The following FMNL2 variants were observed in gnomAD, a reference collection of about 807,000 sequenced individuals.
FMNL2 encodes formin like 2.
In FMNL2, 51 loss-of-function variants were observed where a neutral mutation model predicts 130.2. The ratio of observed to expected loss-of-function variants is 0.39; its 90% CI spans 0.31 to 0.49. The LOEUF (loss-of-function observed/expected upper bound fraction) is 0.49, where lower values mean the gene tolerates loss of function less well. Among genes scored for constraint, FMNL2 ranks in the 20% least tolerant of loss-of-function variants. FMNL2 has a pLI of 0.85. For missense variants in FMNL2, 977 were observed against 1,316.2 expected, an observed-to-expected ratio of 0.74 and a Z score of 3.99; for synonymous variants, 465 against 467.1, an observed-to-expected ratio of 1.00 and a Z score of 0.06.
rs909190620 is a variant in FMNL2 at position 152,540,066 on chromosome 2, G to A, written c.202-2673G>A. Among the ~76,000 whole-genome samples the A allele has an allele frequency of 4.6e-5, 7 of 152,082 alleles. No homozygotes were observed. The South Asian group carries it at 6.2e-4, about 14-fold the overall frequency. On this transcript the variant is annotated intron_variant, in intron 2 of 25. Transcript: ENST00000288670. ...GATTGTGCCACTGCATTCCAGCCTGGGTGACAGAGTGAGACTCTCTCAAAA... is the reference window on the plus strand; with the variant it reads ...GATTGTGCCACTGCATTCCAGCCTGAGTGACAGAGTGAGACTCTCTCAAAA...
intron 1 of FMNL2, among the ~76,000 whole-genome samples, chr2:152,497,981 T>C (rs1281876461): frequency 1.3e-5 from 2 of 152,230 alleles, no homozygotes; most frequent in Non-Finnish European, 2.9e-5. Flanking sequence ...CCCTGGTTTG[T>C]CTCTTAGTAG....
intron 6 of FMNL2, among the ~76,000 whole-genome samples, chr2:152,564,297 A>G (rs1477436827): frequency 6.6e-6 from 1 of 152,202 alleles, no homozygotes; most frequent in Non-Finnish European, 1.5e-5. Context: ...TCTCCCGATA[A>G]TAAGACAGAC....
At chr2:152,489,198 T>A (rs528494001) in intron 1 of FMNL2, among the ~76,000 whole-genome samples, 1 of 150,858 alleles carries the variant, frequency 6.6e-6, no homozygotes, top group East Asian at 1.9e-4. Context: ...GGGGAAGAAT[T>A]GAGGTTAGCA....
At chr2:152,536,510 T>G (rs752095043) in intron 2 of FMNL2, among the ~76,000 whole-genome samples, 34 of 152,252 alleles carry the variant, frequency 2.2e-4, no homozygotes, top group Non-Finnish European at 2.9e-5. Context: ...TGTAGTGACA[T>G]TATGTGAACA....
chr2:152,402,193 C>T (rs1295675291), intron 1 of FMNL2, among the ~76,000 whole-genome samples: 3 of 152,112 alleles, frequency 2.0e-5, no homozygotes, highest in Admixed American at 6.5e-5. Flanking sequence ...TGAGCCACTA[C>T]GCCCGGCCGT....
intron 9 of FMNL2, among the ~76,000 whole-genome samples, chr2:152,586,542 T>C (rs1664906141): frequency 6.6e-6 from 1 of 152,198 alleles, no homozygotes; most frequent in Non-Finnish European, 1.5e-5. Flanking sequence ...AAATCTAGCA[T>C]GAGACCATCC....
intron 1 of FMNL2, among the ~76,000 whole-genome samples, chr2:152,463,907 G>A (rs976861965): frequency 1.3e-5 from 2 of 152,006 alleles, no homozygotes; most frequent in Non-Finnish European, 2.9e-5. Context: ...TTGTTTGATG[G>A]TTAATTTTCT....
At chr2:152,631,416 TAGAG>T (rs1222005032) in intron 20 of FMNL2, among the ~76,000 whole-genome samples, 29 of 85,412 alleles carry the variant, frequency 3.4e-4, no homozygotes, top group Non-Finnish European at 6.7e-4. Flanking sequence ...AAAAAAAAAA[TAGAG>T]CAGTTAAATA....
intron 1 of FMNL2, among the ~76,000 whole-genome samples, chr2:152,467,251 A>G (rs1689601127): frequency 6.6e-6 from 1 of 152,144 alleles, no homozygotes; most frequent in African/African-American, 2.4e-5. Context: ...TTTTCTTGGA[A>G]GTGCCAACAT....
chr2:152,373,620 T>G (rs1273994964), intron 1 of FMNL2, among the ~76,000 whole-genome samples: 1 of 152,232 alleles, frequency 6.6e-6, no homozygotes, highest in Non-Finnish European at 1.5e-5. Flanking sequence ...CTATAATTCC[T>G]AACGCAATGT....
chr2:152,408,923 AG>A (rs1686142496), intron 1 of FMNL2, among the ~76,000 whole-genome samples: 1 of 152,244 alleles, frequency 6.6e-6, no homozygotes, highest in Non-Finnish European at 1.5e-5. Context: ...TAGTTCTGTC[AG>A]GATGGGTGAA....
chr2:152,588,542 T>C (rs1024812580), intron 9 of FMNL2, among the ~76,000 whole-genome samples: 3 of 152,080 alleles, frequency 2.0e-5, no homozygotes, highest in African/African-American at 7.2e-5. Flanking sequence ...GGCAGCATAG[T>C]CAACAGGATC....
At position 152,643,393 on chromosome 2, in the gene FMNL2, T is replaced by G. The variant is rs1215262526; in HGVS notation, c.3169+2479T>G. ...GGCTTTTTATTCTCTTCTGTTTGTG[T>G]TGTTTGGCTGTCATTTTCAATGCAG... On this transcript the variant is annotated intron_variant, in intron 25 of 25. Transcript: ENST00000288670. 10 of 1,536,026 alleles carry G rather than the reference T, an allele frequency of 6.5e-6. No homozygotes were observed. In the East Asian group the frequency reaches 9.8e-5, roughly 15 times the overall value.
chr2:152,539,390 C>G (rs1285813452), intron 2 of FMNL2: 1 of 155,384 alleles, frequency 6.4e-6, no homozygotes, highest in Non-Finnish European at 1.4e-5. Context: ...TTCTGTCTTC[C>G]TTCTCCCCAT....
intron 1 of FMNL2, among the ~76,000 whole-genome samples, chr2:152,415,486 C>G (rs572383995): frequency 2.0e-5 from 3 of 152,334 alleles, no homozygotes; most frequent in African/African-American, 7.2e-5. Context: ...CGGTGACTCA[C>G]TCTACAGATA....
In FMNL2 at chr2:152,525,419, G is replaced by T. The variant is rs144639442; in HGVS notation, c.201+3393G>T. Among the ~76,000 whole-genome samples, 687 of 152,286 alleles carry T rather than the reference G, an allele frequency of 4.5e-3. 5 individuals carry two copies. Among genetic ancestry groups the T allele is most frequent in the African/African-American group, 0.016 (664 of 41,566 alleles). The stretch of plus-strand genomic sequence containing the variant: ...ATCCAGTCCAGAAGCTGTTAGAGGT[G>T]CCATCCCTATGCTGGGTTATAAAAG... On this transcript the variant is annotated intron_variant, in intron 2 of 25. Coordinates refer to ENST00000288670, the MANE Select transcript of FMNL2 (RefSeq NM_052905.4).
At chr2:152,639,845 T>G (rs1165874017) in intron 23 of FMNL2, 113 bp from the exon 24 acceptor site, 2 of 707,484 alleles carry the variant, frequency 2.8e-6, no homozygotes, top group Non-Finnish European at 4.1e-6. Flanking sequence ...TTCTCAACCT[T>G]CCATTTATTG....
intron 6 of FMNL2, among the ~76,000 whole-genome samples, chr2:152,567,076 AAG>A (rs1010732038): frequency 1.2e-4 from 18 of 152,292 alleles, no homozygotes; most frequent in African/African-American, 3.4e-4. Flanking sequence ...GGTTTTTGAA[AAG>A]AGGGGATAAT....
chr2:152,605,871 C>G (rs912313908), intron 9 of FMNL2, among the ~76,000 whole-genome samples: 1 of 152,158 alleles, frequency 6.6e-6, no homozygotes, highest in Admixed American at 6.5e-5. Flanking sequence ...GATTTACCCC[C>G]GGTGGTGCCT....
Sources: gnomAD v4.1 joint callset for allele counts (sites outside exome capture counted in the v4.1 genomes callset) on GRCh38, gnomAD v4.1.1 for gene constraint, MANE v1.5 for transcripts, NCBI Gene and HGNC (gene_info 2026-07-23, HGNC 2026-07-21) for gene names.